RSU1: variants seen among roughly 807,000 people sequenced by gnomAD.
RSU1 encodes Ras suppressor protein 1.
RSU1 carries 26 observed loss-of-function variants against 31.1 expected under a neutral mutation model. The ratio of observed to expected loss-of-function variants is 0.84; its 90% confidence interval spans 0.61 to 1.16. The LOEUF (loss-of-function observed/expected upper bound fraction) is 1.16, where lower values mean the gene tolerates loss of function less well. Among genes scored for constraint, RSU1 ranks in the 50% most tolerant of loss-of-function variants. The pLI is 0.00. For missense variants in RSU1, 320 were observed against 339.1 expected (o/e 0.94, Z 0.44); for synonymous variants, 164 against 136.3 (o/e 1.20, Z -1.41).
chr10:16,768,563 G>T (rs1837364790), intron 3 of RSU1, among the ~76,000 whole-genome samples: 1 of 152,110 alleles, frequency 6.6e-6, no homozygotes, highest in African/African-American at 2.4e-5. Context: ...AGGACTGCTG[G>T]GGACGCTCTC....
At chr10:16,794,675 CAG>C (rs1837990487) in intron 2 of RSU1, among the ~76,000 whole-genome samples, 1 of 152,188 alleles carries the variant, frequency 6.6e-6, no homozygotes, top group Non-Finnish European at 1.5e-5. Flanking sequence ...AGAATCAGAA[CAG>C]AGTACAATCA....
At chr10:16,599,949 A>ATGCTT (rs1339634267) in intron 8 of RSU1, among the ~76,000 whole-genome samples, 2 of 152,160 alleles carry the variant, frequency 1.3e-5, no homozygotes, top group Non-Finnish European at 1.5e-5. Context: ...GGTGGGTAAA[A>ATGCTT]TGCTTAGCCC....
intron 3 of RSU1, among the ~76,000 whole-genome samples, chr10:16,771,141 T>G (rs2131637333): frequency 6.6e-6 from 1 of 152,302 alleles, no homozygotes; most frequent in Middle Eastern, 3.4e-3. Flanking sequence ...GTTACATTAC[T>G]ACAACCAAGT....
intron 7 of RSU1, among the ~76,000 whole-genome samples, chr10:16,739,254 A>G (rs1042804316): frequency 3.9e-5 from 6 of 152,136 alleles, no homozygotes; most frequent in Admixed American, 2.0e-4. Context: ...ATCAAATGGT[A>G]TTTCTGGTTC....
intron 2 of RSU1, among the ~76,000 whole-genome samples, chr10:16,792,030 A>G (rs1269648828): frequency 6.6e-6 from 1 of 152,322 alleles, no homozygotes; most frequent in East Asian, 1.9e-4. Flanking sequence ...GACACGGGAA[A>G]TGAGGCCTGA....
intron 8 of RSU1, among the ~76,000 whole-genome samples, chr10:16,665,693 T>C (rs549713164): frequency 7.2e-5 from 11 of 152,348 alleles, no homozygotes; most frequent in African/African-American, 1.4e-4. Context: ...TTTTTCCCCA[T>C]GGAGATATCT....
Position 16,691,722 on chromosome 10 carries a change from C to CT in RSU1, c.731+3300dup, listed in dbSNP as rs58786188. ...CCGGTGCTTACTGAAGCTGCTGCTT[C>CT]TTTTTTTTTTTTTTTTTTTTTTTTT... On this transcript the variant is annotated intron_variant, in intron 8 of 8. Coordinates refer to ENST00000345264, the MANE Select transcript of RSU1 (RefSeq NM_012425.4). 1.5e-3 allele frequency among the ~76,000 whole-genome samples: 158 copies of CT among 106,064 alleles called. 4 individuals carry two copies. The highest frequency in any genetic ancestry group is 0.01 in the South Asian group (30 of 2,942). The allele number at this position is 106,064 out of a possible 152,430, so 69.6% of individuals were successfully genotyped here. A position where few individuals can be genotyped will look rare whatever the true frequency, so the allele number is the denominator to read the frequency against.
At chr10:16,645,684 G>A (rs1298855845) in intron 8 of RSU1, among the ~76,000 whole-genome samples, 1 of 151,102 alleles carries the variant, frequency 6.6e-6, no homozygotes, top group Non-Finnish European at 1.5e-5. Context: ...GCGCACACCT[G>A]TAATCCCAAC....
chr10:16,671,593 C>T (rs188855979), intron 8 of RSU1, among the ~76,000 whole-genome samples: 2 of 151,968 alleles, frequency 1.3e-5, no homozygotes, highest in Admixed American at 6.6e-5. Flanking sequence ...GGACTACATG[C>T]GCATACCACC....
intron 7 of RSU1, among the ~76,000 whole-genome samples, chr10:16,751,148 G>A (rs1836971835): frequency 6.6e-6 from 1 of 151,876 alleles, no homozygotes; most frequent in South Asian, 2.1e-4. Context: ...ATTACAACTG[G>A]GAGCCACCGT....
At chr10:16,644,788 T>C (rs1834505939) in intron 8 of RSU1, among the ~76,000 whole-genome samples, 2 of 152,216 alleles carry the variant, frequency 1.3e-5, no homozygotes, top group African/African-American at 4.8e-5. Context: ...TTAATAAAAG[T>C]GATCTGATAA....
At chr10:16,768,910 A>G (rs1455395960) in intron 3 of RSU1, among the ~76,000 whole-genome samples, 2 of 152,222 alleles carry the variant, frequency 1.3e-5, no homozygotes, top group African/African-American at 4.8e-5. Context: ...GGAGAAACCA[A>G]AGTCCATCTG....
At chr10:16,740,403 G>T (rs1206826391) in intron 7 of RSU1, among the ~76,000 whole-genome samples, 3 of 152,176 alleles carry the variant, frequency 2.0e-5, no homozygotes, top group South Asian at 2.1e-4. Context: ...AATATTCTAT[G>T]GTGAATGACT....
chr10:16,689,666 G>A (rs1409285436), intron 8 of RSU1, among the ~76,000 whole-genome samples: 1 of 152,128 alleles, frequency 6.6e-6, no homozygotes, highest in African/African-American at 2.4e-5. Flanking sequence ...TTTATCTCAT[G>A]GTTTCCCACC....
At chr10:16,787,776 T>A (rs1837825109) in intron 2 of RSU1, among the ~76,000 whole-genome samples, 1 of 152,222 alleles carries the variant, frequency 6.6e-6, no homozygotes, top group Non-Finnish European at 1.5e-5. Context: ...CATGTGGAAA[T>A]GTGAGTCCAT....
At chr10:16,758,803 T>A (rs191149583) in intron 4 of RSU1, among the ~76,000 whole-genome samples, 27 of 152,346 alleles carry the variant, frequency 1.8e-4, no homozygotes, top group Admixed American at 4.6e-4. Context: ...CCACTCTGGA[T>A]AGTCTCAACT....
At chr10:16,640,584 C>A (rs983978847) in intron 8 of RSU1, among the ~76,000 whole-genome samples, 1 of 152,234 alleles carries the variant, frequency 6.6e-6, no homozygotes, top group Non-Finnish European at 1.5e-5. Context: ...CCTGGGACCA[C>A]TGGTGACTAC....
chr10:16,658,410 G>A (rs74673539), intron 8 of RSU1, among the ~76,000 whole-genome samples: 2,403 of 152,166 alleles, frequency 0.016, 60 homozygotes, highest in African/African-American at 0.055. Context: ...GGTTTGACCA[G>A]AGAACAATTT....
chr10:16,735,286 A>T (rs897456920), intron 7 of RSU1, among the ~76,000 whole-genome samples: 1 of 152,248 alleles, frequency 6.6e-6, no homozygotes, highest in African/African-American at 2.4e-5. Flanking sequence ...ATGTGTACAT[A>T]ACATGAAGTC....
Sources: allele counts gnomAD v4.1 joint callset (sites outside exome capture counted in the v4.1 genomes callset), GRCh38; gene constraint gnomAD v4.1.1; transcripts MANE v1.5; gene names NCBI Gene and HGNC (gene_info 2026-07-23, HGNC 2026-07-21).